MAGI2: variants seen among roughly 807,000 people sequenced by gnomAD.
The protein encoded by MAGI2 is membrane-associated guanylate kinase, WW and PDZ domain-containing protein 2.
MAGI2 carries 35 observed loss-of-function variants against 133.3 expected under a neutral mutation model. The observed-to-expected ratio is 0.26, with a 90% CI of 0.20 to 0.35. The LOEUF is 0.35. Among genes scored for constraint, MAGI2 ranks in the 10% least tolerant of loss-of-function variants. The probability of loss-of-function intolerance (pLI) is 1.00; values close to 1 mark genes in which losing one functional copy is unlikely to be tolerated. For missense variants in MAGI2, 1,636 were observed against 1,863.4 expected, an observed-to-expected ratio of 0.88 and a Z score of 2.25; for synonymous variants, 729 against 710.6, an observed-to-expected ratio of 1.03 and a Z score of -0.41.
chr7:79,055,567 T>G (rs564874883), intron 1 of MAGI2, among the ~76,000 whole-genome samples: 1 of 152,162 alleles, frequency 6.6e-6, no homozygotes, highest in East Asian at 1.9e-4. Flanking sequence ...TTTTTTTTTT[T>G]GCAAATAACT....
chr7:79,112,529 A>C (rs921019877), intron 1 of MAGI2, among the ~76,000 whole-genome samples: 3 of 152,080 alleles, frequency 2.0e-5, no homozygotes, highest in African/African-American at 7.2e-5. Context: ...TTCCACTGCT[A>C]GGATAGTCTG....
intron 7 of MAGI2, among the ~76,000 whole-genome samples, chr7:78,366,126 A>G (rs1157666905): frequency 1.3e-5 from 2 of 152,212 alleles, no homozygotes; most frequent in Non-Finnish European, 2.9e-5. Context: ...TGATAGCTGT[A>G]CAGAGAATCC....
chr7:78,455,148 CTG>C (rs1038991588), intron 6 of MAGI2, among the ~76,000 whole-genome samples: 7 of 150,946 alleles, frequency 4.6e-5, no homozygotes, highest in African/African-American at 1.2e-4. Flanking sequence ...AAAGGGGAAA[CTG>C]TATATGTGTG....
chr7:78,078,704 T>G, intron 21 of MAGI2: 1 of 586,528 alleles, frequency 1.7e-6, no homozygotes, highest in Non-Finnish European at 3.0e-6. Flanking sequence ...ACATTTCATA[T>G]TTTAAACATT....
At chr7:78,218,875 C>G (rs1462635257) in intron 10 of MAGI2, among the ~76,000 whole-genome samples, 1 of 152,202 alleles carries the variant, frequency 6.6e-6, no homozygotes, top group Non-Finnish European at 1.5e-5. Context: ...CACTTTACAG[C>G]CCAACAGCGC....
chr7:78,799,638 T>G (rs1280068769), intron 2 of MAGI2, among the ~76,000 whole-genome samples: 2 of 152,156 alleles, frequency 1.3e-5, no homozygotes, highest in Non-Finnish European at 1.5e-5. Context: ...GGAAATAAGT[T>G]TGCTTCTTAT....
intron 6 of MAGI2, among the ~76,000 whole-genome samples, chr7:78,389,204 AT>A (rs1266574642): frequency 1.3e-5 from 2 of 152,170 alleles, no homozygotes; most frequent in Non-Finnish European, 2.9e-5. Flanking sequence ...AACTGCTGTG[AT>A]TTATGGTTCT....
intron 1 of MAGI2, among the ~76,000 whole-genome samples, chr7:79,189,054 T>G (rs938513240): frequency 1.3e-5 from 2 of 151,926 alleles, no homozygotes; most frequent in Non-Finnish European, 2.9e-5. Flanking sequence ...TGTTGTTGTT[T>G]TTAAACAAAC....
At chr7:78,171,967 A>G (rs1826153341) in intron 14 of MAGI2, among the ~76,000 whole-genome samples, 1 of 152,118 alleles carries the variant, frequency 6.6e-6, no homozygotes, top group Non-Finnish European at 1.5e-5. Context: ...ACAGAGCAAG[A>G]AAGAACTTCT....
rs41426245 is a variant in MAGI2, at chr7:78,063,875, G to A, written c.3706+15072C>T. 5.7e-3 allele frequency among the ~76,000 whole-genome samples: 867 copies of A among 152,212 alleles called. 8 individuals are homozygous for A. The highest frequency in any genetic ancestry group is 0.019 in the African/African-American group (777 of 41,520). ...CTAGCTTATGAATGGACATAGCAGA[G>A]CCTTTTTATTAATCTTTATATCCCT... On this transcript the variant is annotated intron_variant, in intron 21 of 21. Coordinates refer to ENST00000354212, the MANE Select transcript of MAGI2 (RefSeq NM_012301.4).
chr7:78,888,029 C>A (rs1796408623), intron 2 of MAGI2, among the ~76,000 whole-genome samples: 1 of 152,168 alleles, frequency 6.6e-6, no homozygotes, highest in South Asian at 2.1e-4. Flanking sequence ...TCACTCTCAC[C>A]CTAATACTGC....
At chr7:78,589,872 G>T (rs1000722308) in intron 3 of MAGI2, among the ~76,000 whole-genome samples, 1 of 152,150 alleles carries the variant, frequency 6.6e-6, no homozygotes, top group Non-Finnish European at 1.5e-5. Context: ...ACAACAAGCA[G>T]GTTATTATTT....
At chr7:78,294,546 C>G (rs1264159972) in intron 9 of MAGI2, among the ~76,000 whole-genome samples, 1 of 152,006 alleles carries the variant, frequency 6.6e-6, no homozygotes, top group African/African-American at 2.4e-5. Flanking sequence ...ATAAACTTAC[C>G]ATTTGGAAAA....
At chr7:78,165,091 A>C (rs1584227129) in intron 15 of MAGI2, among the ~76,000 whole-genome samples, 1 of 152,366 alleles carries the variant, frequency 6.6e-6, no homozygotes, top group Non-Finnish European at 1.5e-5. Flanking sequence ...CAATAAAATA[A>C]AAATAAATGA....
At chr7:79,099,402 T>C (rs910948169) in intron 1 of MAGI2, among the ~76,000 whole-genome samples, 1 of 152,210 alleles carries the variant, frequency 6.6e-6, no homozygotes, top group Non-Finnish European at 1.5e-5. Flanking sequence ...AGTAATAACA[T>C]CAAATTCCAC....
intron 10 of MAGI2, among the ~76,000 whole-genome samples, chr7:78,210,912 G>A (rs1787705383): frequency 6.6e-6 from 1 of 152,208 alleles, no homozygotes; most frequent in Non-Finnish European, 1.5e-5. Context: ...CAGTGGGTTT[G>A]AAGAAATGGA....
chr7:78,268,340 T>C (rs1429907525), intron 9 of MAGI2, among the ~76,000 whole-genome samples: 1 of 152,176 alleles, frequency 6.6e-6, no homozygotes, highest in Non-Finnish European at 1.5e-5. Flanking sequence ...GCTAATTAAA[T>C]CCTTTCTACT....
intron 21 of MAGI2, among the ~76,000 whole-genome samples, chr7:78,042,276 G>A (rs951395825): frequency 1.1e-4 from 17 of 152,186 alleles, no homozygotes; most frequent in African/African-American, 3.6e-4. Flanking sequence ...ATGCTTTGAT[G>A]AGTTACCCAA....
chr7:79,154,359 T>C (rs1244240318), intron 1 of MAGI2, among the ~76,000 whole-genome samples: 1 of 152,204 alleles, frequency 6.6e-6, no homozygotes. Context: ...CTTCCTTTTC[T>C]TGACTGTTGA....
Sources: allele counts gnomAD v4.1 joint callset (sites outside exome capture counted in the v4.1 genomes callset), GRCh38; gene constraint gnomAD v4.1.1; transcripts MANE v1.5; gene names NCBI Gene and HGNC (gene_info 2026-07-23, HGNC 2026-07-21).